TNFRSF19: variants seen among roughly 807,000 people sequenced by gnomAD.
TNFRSF19 encodes TNF receptor superfamily member 19.
TNFRSF19 carries 27 observed loss-of-function variants against 46.4 expected under a neutral mutation model. The observed-to-expected ratio is 0.58, with a 90% CI of 0.43 to 0.80. TNFRSF19 has a LOEUF of 0.80. TNFRSF19 is among the 30% of genes least tolerant of loss of function. The pLI is 0.00. For synonymous variants in TNFRSF19, 204 were observed against 205.0 expected (o/e 1.00, Z 0.04); for missense variants, 511 against 530.8 (o/e 0.96, Z 0.37).
chr13:23,668,277 TCTTTACA>T (rs1170806269), intron 8 of TNFRSF19, among the ~76,000 whole-genome samples, 195 bp downstream of exon 8: 1 of 152,210 alleles, frequency 6.6e-6, no homozygotes, highest in African/African-American at 2.4e-5. Context: ...AGTGCAACAT[TCTTTACA>T]CTTTACTCTT....
intron 1 of TNFRSF19, among the ~76,000 whole-genome samples, chr13:23,573,918 C>T (rs963987283): frequency 2.3e-4 from 35 of 151,840 alleles, no homozygotes; most frequent in African/African-American, 8.2e-4. Context: ...AAAAATTAGC[C>T]GGACAAGGTG....
In TNFRSF19 at chr13:23,675,889, A is replaced by G. The variant is rs2138434859; in HGVS notation, c.*2509A>G. ...TTTCTACTTTAGATAATGTGTTAAT[A>G]TTGCTATTACCTAGGTTAAGCACTA... On this transcript the variant is annotated 3_prime_UTR_variant, in exon 10 of 10. Transcript: ENST00000248484. 6.6e-6 allele frequency: 1 copy of G among 152,328 alleles called. No homozygotes were observed. The highest frequency in any genetic ancestry group is 2.4e-5 in the African/African-American group (1 of 41,576). 9.4% of individuals were successfully genotyped at this position (152,328 alleles called of 1,614,324 possible).
At chr13:23,625,121 C>T (rs958222482) in intron 4 of TNFRSF19, among the ~76,000 whole-genome samples, 6 of 152,114 alleles carry the variant, frequency 3.9e-5, no homozygotes, top group Non-Finnish European at 8.8e-5. Context: ...TGTGCCTGCA[C>T]AAAATGGAAT....
At chr13:23,662,397 G>T (rs563765665) in intron 7 of TNFRSF19, among the ~76,000 whole-genome samples, 2 of 152,086 alleles carry the variant, frequency 1.3e-5, no homozygotes, top group Non-Finnish European at 2.9e-5. Flanking sequence ...GCCTGTTTTT[G>T]TACTAGTACC....
intron 4 of TNFRSF19, 141 bp from the exon 5 acceptor site, chr13:23,626,566 G>C: frequency 5.8e-6 from 4 of 687,278 alleles, no homozygotes; most frequent in Non-Finnish European, 9.5e-6. Context: ...CTTCAAAAAT[G>C]TGTCTACCTA....
At chr13:23,608,721 G>A (rs1880683807) in intron 3 of TNFRSF19, among the ~76,000 whole-genome samples, 1 of 152,176 alleles carries the variant, frequency 6.6e-6, no homozygotes, top group African/African-American at 2.4e-5. Flanking sequence ...AATTAAATGA[G>A]GCCACATGGG....
rs376133713 is a variant in TNFRSF19 at position 23,620,172 on chromosome 13, T to G, written c.359+4127T>G. Among the ~76,000 whole-genome samples, 6 of 152,332 alleles carry G rather than the reference T, an allele frequency of 3.9e-5. No individual in the cohort carries two copies. In the South Asian group the frequency reaches 1.2e-3, roughly 32 times the overall value. ...AAGTGTTTTCAAAGTACTCTTCCAG[T>G]TTAACTGTACTTCTGTGAAGAAACC... On this transcript the variant is annotated intron_variant, in intron 4 of 9. Coordinates refer to ENST00000248484, the MANE Select transcript of TNFRSF19 (RefSeq NM_148957.4).
At chr13:23,606,933 A>G (rs1880550978) in intron 3 of TNFRSF19, among the ~76,000 whole-genome samples, 1 of 152,220 alleles carries the variant, frequency 6.6e-6, no homozygotes, top group South Asian at 2.1e-4. Context: ...GCAACAGCAT[A>G]TGTCTTTCAG....
rs1447231513 is a variant in TNFRSF19 at position 23,675,234 on chromosome 13, C to T, written c.*1854C>T. 6.6e-6 allele frequency: 1 copy of T among 152,198 alleles called. No homozygotes were observed. The allele number at this position is 152,198 out of a possible 1,614,324, so 9.4% of individuals were successfully genotyped here. A position where few individuals can be genotyped will look rare whatever the true frequency, so the allele number is the denominator to read the frequency against. The stretch of plus-strand genomic sequence containing the variant: ...CTCACCATGATTCACATACGTGCCA[C>T]TGTTTGAAATCTGGTCTGTTTGCAT... On this transcript the variant is annotated 3_prime_UTR_variant, in exon 10 of 10. Transcript: ENST00000248484.
chr13:23,580,381 C>CG (rs76150337), intron 1 of TNFRSF19, among the ~76,000 whole-genome samples: 15,615 of 152,266 alleles, frequency 0.1, 867 homozygotes, highest in East Asian at 0.17. Flanking sequence ...GTTTTTACCC[C>CG]ATGACAGTTT....
intron 5 of TNFRSF19, among the ~76,000 whole-genome samples, chr13:23,647,396 G>A (rs1883395886): frequency 6.6e-6 from 1 of 152,030 alleles, no homozygotes; most frequent in Non-Finnish European, 1.5e-5. Flanking sequence ...CTTTTTCTAA[G>A]ATTATTTATT....
At position 23,593,297 on chromosome 13, in the gene TNFRSF19, A is replaced by T. The variant is rs532051251; in HGVS notation, c.70-48A>T. On this transcript the variant is annotated intron_variant, in intron 2 of 9. Transcript: ENST00000248484. Reference sequence around the variant, plus strand: ...TATTGTTCCTTTCTTGCAAAAAAAAATGTTTAACATACTTTAAGATAACAT... The same window carrying T: ...TATTGTTCCTTTCTTGCAAAAAAAATTGTTTAACATACTTTAAGATAACAT... 8 of 1,180,904 alleles carry T rather than the reference A, an allele frequency of 6.8e-6. No homozygotes were observed. The East Asian group carries it at 1.8e-4, about 26-fold the overall frequency. The allele number at this position is 1,180,904 out of a possible 1,614,324, so 73.2% of individuals were successfully genotyped here. A position where few individuals can be genotyped will look rare whatever the true frequency, so the allele number is the denominator to read the frequency against.
chr13:23,617,827 C>A (rs1385987248), intron 4 of TNFRSF19, among the ~76,000 whole-genome samples: 9 of 152,206 alleles, frequency 5.9e-5, no homozygotes, highest in Non-Finnish European at 4.4e-5. Context: ...GATCACCTAA[C>A]CTGTGTGTGG....
intron 7 of TNFRSF19, among the ~76,000 whole-genome samples, chr13:23,662,510 G>C (rs1362096632): frequency 1.3e-5 from 2 of 152,042 alleles, no homozygotes; most frequent in South Asian, 2.1e-4. Context: ...GCTAATACAG[G>C]GTCTATTTTG....
intron 2 of TNFRSF19, among the ~76,000 whole-genome samples, chr13:23,592,058 T>G (rs1593237989): frequency 6.6e-6 from 1 of 152,098 alleles, no homozygotes; most frequent in East Asian, 1.9e-4. Flanking sequence ...AAACCTCACC[T>G]TGAATTCTTC....
intron 5 of TNFRSF19, among the ~76,000 whole-genome samples, chr13:23,646,695 C>T (rs762567676): frequency 5.9e-5 from 9 of 152,158 alleles, no homozygotes; most frequent in African/African-American, 1.9e-4. Flanking sequence ...TGCTGATGGA[C>T]GACTGGGTTG....
rs1255734723 is a variant in TNFRSF19, at chr13:23,660,351, C to T, written c.611-14C>T. On this transcript the variant is annotated splice_polypyrimidine_tract_variant and intron_variant, in intron 6 of 9. Coordinates refer to ENST00000248484, the MANE Select transcript of TNFRSF19 (RefSeq NM_148957.4). ...AGACTGTGTTCCCTGACAGAGTTCT[C>T]ACCCCTCATTTAGGGTCTCTGCGGT... is the stretch of plus-strand genomic sequence containing the variant. 2.5e-6 allele frequency: 4 copies of T among 1,611,128 alleles called. No individual in the cohort carries two copies. Among genetic ancestry groups the T allele is most frequent in the Non-Finnish European group, 3.4e-6 (4 of 1,178,390 alleles).
chr13:23,656,879 CT>C (rs1338234080), intron 5 of TNFRSF19, among the ~76,000 whole-genome samples: 7 of 152,160 alleles, frequency 4.6e-5, no homozygotes, highest in African/African-American at 1.7e-4. Context: ...GTTTGCACAG[CT>C]GTGCTTGTGC....
chr13:23,638,482 A>G (rs1566203421), intron 5 of TNFRSF19, among the ~76,000 whole-genome samples: 1 of 151,994 alleles, frequency 6.6e-6, no homozygotes, highest in African/African-American at 2.4e-5. Context: ...CCCCATGGTC[A>G]TTGCTTTTTC....
Sources: allele counts gnomAD v4.1 joint callset (sites outside exome capture counted in the v4.1 genomes callset), GRCh38; gene constraint gnomAD v4.1.1; transcripts MANE v1.5; gene names NCBI Gene and HGNC (gene_info 2026-07-23, HGNC 2026-07-21).